RCAN1: variants seen among roughly 807,000 people sequenced by gnomAD.
The protein encoded by RCAN1 is calcipressin-1.
RCAN1 carries 11 observed loss-of-function variants against 22.9 expected under a neutral mutation model. The observed-to-expected ratio is 0.48, with a 90% CI of 0.30 to 0.79. The LOEUF (loss-of-function observed/expected upper bound fraction) is 0.79. RCAN1 is among the 30% of genes least tolerant of loss of function. The probability of loss-of-function intolerance (pLI) is 0.06; values close to 1 mark genes in which losing one functional copy is unlikely to be tolerated. For synonymous variants in RCAN1, 136 were observed against 142.3 expected (o/e 0.96, Z 0.32); for missense variants, 291 against 337.8 (o/e 0.86, Z 1.09).
At position 34,521,590 on chromosome 21, in the gene RCAN1, G is replaced by A. The variant is rs141325258; in HGVS notation, c.495C>T (p.Pro165=). The change falls in exon 3 of 4, where the codon CCC becomes CCT. Residue 165 remains proline, a synonymous_variant. Transcript: ENST00000313806. ...GTTTCCATCCCACTGGCGGAGAGGC[G>A]GGAGGGGAGATCAGAAACTGCTTGT... ...NPDKQFLISP[P]ASPPVGWKQV... 45 of 1,614,058 alleles carry A rather than the reference G, an allele frequency of 2.8e-5. No individual in the cohort carries two copies. The highest frequency in any genetic ancestry group is 8.9e-5 in the East Asian group (4 of 44,890).
chr21:34,556,226 C>G (rs1293372400), intron 1 of RCAN1, among the ~76,000 whole-genome samples: 1 of 150,152 alleles, frequency 6.7e-6, no homozygotes, highest in South Asian at 2.1e-4. Context: ...GAGTTTCGGA[C>G]CAGCCTGAGC....
intron 1 of RCAN1, among the ~76,000 whole-genome samples, chr21:34,607,930 G>A (rs1241486659): frequency 1.3e-5 from 2 of 152,160 alleles, no homozygotes; most frequent in African/African-American, 4.8e-5. Context: ...TACTGCCTGA[G>A]TTCCAGCGGC....
chr21:34,520,961 T>G (rs1984468382), intron 3 of RCAN1: 3 of 537,646 alleles, frequency 5.6e-6, no homozygotes, highest in Middle Eastern at 1.5e-3. Context: ...TAGCAAGCTC[T>G]GTAGGGGACC....
At chr21:34,570,640 CTTTT>C (rs56226026) in intron 1 of RCAN1, among the ~76,000 whole-genome samples, 1 of 134,778 alleles carries the variant, frequency 7.4e-6, no homozygotes, top group Non-Finnish European at 1.6e-5. Context: ...ATAGTGGACT[CTTTT>C]TTTTTTTTTT....
At chr21:34,613,380 C>T (rs1255189145) in intron 1 of RCAN1, among the ~76,000 whole-genome samples, 1 of 152,176 alleles carries the variant, frequency 6.6e-6, no homozygotes, top group Admixed American at 6.5e-5. Flanking sequence ...CTGATGCAGC[C>T]TCAGAGCCTA....
intron 1 of RCAN1, among the ~76,000 whole-genome samples, chr21:34,546,784 T>C (rs578131858): frequency 6.6e-6 from 1 of 152,322 alleles, no homozygotes; most frequent in African/African-American, 2.4e-5. Context: ...ACAAGAAGCA[T>C]TCAATTCCAT....
intron 1 of RCAN1, among the ~76,000 whole-genome samples, chr21:34,567,678 C>A (rs1255632269): frequency 6.6e-6 from 1 of 152,048 alleles, no homozygotes; most frequent in African/African-American, 2.4e-5. Context: ...AATCTATTTT[C>A]AAATTCAGAA....
chr21:34,518,159 C>G lies in RCAN1; in HGVS notation c.684G>C (p.Met228Ile). ...SDQEKEEEEEMERMRRPKPKI... is the reference protein window; with the variant it reads ...SDQEKEEEEEIERMRRPKPKI... ...TTGGCTTAGGTCTCCTCATTCTTTC[C>G]ATTTCCTCTTCTTCCTCCTTCTCTT... Residue 228 changes from methionine (M) to isoleucine (I), a missense_variant, in exon 4 of 4, where the codon ATG becomes ATC. By Grantham distance (10) the Met-to-Ile change is conservative (BLOSUM62 1). Coordinates refer to ENST00000313806, the MANE Select transcript of RCAN1 (RefSeq NM_004414.7). The surrounding 1 kb of genome is among the most constrained non-coding windows in gnomAD (Gnocchi z 4.2). 6.2e-7 allele frequency: 1 copy of G among 1,614,226 alleles called. No homozygotes were observed. Among genetic ancestry groups the G allele is most frequent in the Non-Finnish European group, 8.5e-7 (1 of 1,180,036 alleles).
chr21:34,600,377 G>A (rs1488744227), intron 1 of RCAN1, among the ~76,000 whole-genome samples: 1 of 152,122 alleles, frequency 6.6e-6, no homozygotes, highest in African/African-American at 2.4e-5. Flanking sequence ...CTCCTAGCAG[G>A]GTGCTGAGGC....
intron 1 of RCAN1, among the ~76,000 whole-genome samples, chr21:34,543,084 A>G (rs1985988181): frequency 6.6e-6 from 1 of 152,222 alleles, no homozygotes; most frequent in African/African-American, 2.4e-5. Context: ...GCCTACATTG[A>G]GGCTTGGTGC....
In RCAN1 at chr21:34,615,005, C is replaced by G; in HGVS notation, c.7G>C (p.Asp3His). The change falls in exon 1 of 4, where the codon GAC becomes CAC. Residue 3 changes from aspartate to histidine, a missense_variant. By Grantham distance (81) the Asp-to-His change is moderately conservative. Coordinates refer to ENST00000313806, the MANE Select transcript of RCAN1 (RefSeq NM_004414.7). ME[D>H]GVAGPQLGAA... ...CCGAGCTGGGGACCGGCCACGCCGT[C>G]CTCCATCCCCGCGCCCGCGCGACCC... The G allele has an allele frequency of 9.3e-7, 1 of 1,072,704 alleles. No homozygotes were observed. The highest frequency in any genetic ancestry group is 4.3e-5 in the South Asian group (1 of 23,060). 66.4% of individuals were successfully genotyped at this position (1,072,704 alleles called of 1,614,324 possible).
At chr21:34,554,597 G>A (rs989547789) in intron 1 of RCAN1, among the ~76,000 whole-genome samples, 1 of 152,192 alleles carries the variant, frequency 6.6e-6, no homozygotes, top group African/African-American at 2.4e-5. Context: ...AGGATATTTC[G>A]TGTGAAGTAG....
intron 1 of RCAN1, among the ~76,000 whole-genome samples, chr21:34,529,552 A>G (rs553034588): frequency 5.9e-5 from 9 of 152,242 alleles, no homozygotes; most frequent in Non-Finnish European, 1.3e-4. Context: ...TAAAGGTCCT[A>G]TGCAAATGAA....
intron 1 of RCAN1, among the ~76,000 whole-genome samples, chr21:34,578,394 T>G (rs1987484786): frequency 6.6e-6 from 1 of 152,200 alleles, no homozygotes; most frequent in Admixed American, 6.5e-5. Context: ...TGAGGTCTCC[T>G]GCTGTAAGCA....
At chr21:34,612,935 T>G (rs1244363836) in intron 1 of RCAN1, among the ~76,000 whole-genome samples, 2 of 152,260 alleles carry the variant, frequency 1.3e-5, no homozygotes, top group African/African-American at 4.8e-5. Context: ...TATCCCTGTT[T>G]CAGTCTCTTC....
chr21:34,565,473 T>C (rs971906591), intron 1 of RCAN1, among the ~76,000 whole-genome samples: 3 of 152,118 alleles, frequency 2.0e-5, no homozygotes, highest in Non-Finnish European at 4.4e-5. Context: ...TGCCCTCAAA[T>C]GGGGGCTACT....
intron 1 of RCAN1, among the ~76,000 whole-genome samples, chr21:34,603,058 T>C (rs936113790): frequency 6.6e-6 from 1 of 152,138 alleles, no homozygotes; most frequent in African/African-American, 2.4e-5. Flanking sequence ...GGGGTGTCTC[T>C]CCACTTGAAA....
At chr21:34,526,708 A>G (rs1985081420) in intron 1 of RCAN1, 1 of 1,613,764 alleles carries the variant, frequency 6.2e-7, no homozygotes, top group Non-Finnish European at 8.5e-7. Context: ...CCACACAGGC[A>G]ATCAGGGAGC....
In RCAN1 at chr21:34,614,326, G is replaced by C; in HGVS notation, c.252+434C>G. The C allele has an allele frequency of 1.0e-6, 1 of 990,478 alleles. No homozygotes were observed. Among genetic ancestry groups the C allele is most frequent in the Non-Finnish European group, 1.2e-6 (1 of 833,470 alleles). 61.4% of individuals were successfully genotyped at this position (990,478 alleles called of 1,614,324 possible). ...TAGTGCAGATTGGGAATGCAGGGAC[G>C]TCGTCCTATTTATGAACACTGAGTC... On this transcript the variant is annotated intron_variant, in intron 1 of 3. Transcript: ENST00000313806. The surrounding 1 kb of genome is among the most constrained non-coding windows in gnomAD (Gnocchi z 6.0).
Sources: allele counts gnomAD v4.1 joint callset (sites outside exome capture counted in the v4.1 genomes callset), GRCh38; gene constraint gnomAD v4.1.1; non-coding constraint Gnocchi (gnomAD v3.1); transcripts MANE v1.5; gene names NCBI Gene and HGNC (gene_info 2026-07-23, HGNC 2026-07-21).